ADAMTS20: variants seen among roughly 807,000 people sequenced by gnomAD.
ADAMTS20 encodes ADAM metallopeptidase with thrombospondin type 1 motif 20, also known as A disintegrin and metalloproteinase with thrombospondin motifs 20.
In ADAMTS20, 225 loss-of-function variants were observed where a neutral mutation model predicts 260.1. The ratio of observed to expected loss-of-function variants is 0.87; its 90% CI spans 0.78 to 0.97. The LOEUF (loss-of-function observed/expected upper bound fraction) is 0.97, where lower values mean the gene tolerates loss of function less well. ADAMTS20 is among the 50% of genes least tolerant of loss of function. ADAMTS20 has a pLI of 0.00. For missense variants in ADAMTS20, 2,400 were observed against 2,337.7 expected (o/e 1.03, Z -0.55); for synonymous variants, 802 against 769.5 (o/e 1.04, Z -0.70).
chr12:43,506,372 G>A (rs1942842479), intron 3 of ADAMTS20, among the ~76,000 whole-genome samples: 2 of 152,026 alleles, frequency 1.3e-5, no homozygotes, highest in African/African-American at 4.8e-5. Context: ...TATAGTCTCA[G>A]TTTGCAAGAT....
intron 3 of ADAMTS20, among the ~76,000 whole-genome samples, chr12:43,513,751 G>A (rs1049305056): frequency 6.6e-6 from 1 of 152,004 alleles, no homozygotes; most frequent in Non-Finnish European, 1.5e-5. Context: ...ATGAGTTCGT[G>A]TCCTTTGTAG....
At position 43,432,588 on chromosome 12, in the gene ADAMTS20, A is replaced by G; in HGVS notation, c.2931+13T>C. ...AAGGGGCAACTTTTTTTAAGCAATC[A>G]TTTTTATTGTACCTGAGACCATTCT... On this transcript the variant is annotated intron_variant, in intron 20 of 38. Coordinates refer to ENST00000389420, the MANE Select transcript of ADAMTS20 (RefSeq NM_025003.5). 2 of 1,611,002 alleles carry G rather than the reference A, an allele frequency of 1.2e-6. No individual in the cohort carries two copies. Among genetic ancestry groups the G allele is most frequent in the South Asian group, 2.2e-5 (2 of 90,290 alleles).
chr12:43,443,731 A>G, intron 16 of ADAMTS20, 60 bp downstream of exon 16: 2 of 1,349,662 alleles, frequency 1.5e-6, no homozygotes, highest in Non-Finnish European at 2.1e-6. Context: ...CATCAACTAC[A>G]GACTTCCATG....
At chr12:43,457,600 A>C (rs1941987568) in intron 11 of ADAMTS20, among the ~76,000 whole-genome samples, 1 of 152,214 alleles carries the variant, frequency 6.6e-6, no homozygotes, top group Non-Finnish European at 1.5e-5. Flanking sequence ...AAGTTGATCT[A>C]AGTTGTTCAG....
At chr12:43,401,933 C>T (rs562729489) in intron 28 of ADAMTS20, among the ~76,000 whole-genome samples, 1 of 151,902 alleles carries the variant, frequency 6.6e-6, no homozygotes, top group Non-Finnish European at 1.5e-5. Flanking sequence ...GTGACACATT[C>T]GCTCAAAAAC....
chr12:43,496,318 T>A (rs572202799), intron 4 of ADAMTS20, among the ~76,000 whole-genome samples: 6 of 152,304 alleles, frequency 3.9e-5, no homozygotes, highest in African/African-American at 1.2e-4. Flanking sequence ...AGAAGTTAAC[T>A]AAGACACTGA....
intron 7 of ADAMTS20, among the ~76,000 whole-genome samples, chr12:43,487,048 T>C (rs1942532176): frequency 6.6e-6 from 1 of 152,208 alleles, no homozygotes; most frequent in South Asian, 2.1e-4. Context: ...AGATCTACCA[T>C]TTGATCCAGT....
chr12:43,450,131 A>T lies in ADAMTS20; in HGVS notation c.2079+2143T>A, dbSNP rs1397339. Among the ~76,000 whole-genome samples, 7 of 152,078 alleles carry T rather than the reference A, an allele frequency of 4.6e-5. No individual in the cohort carries two copies. In the South Asian group the frequency reaches 6.2e-4, roughly 13 times the overall value. On this transcript the variant is annotated intron_variant, in intron 14 of 38. Coordinates refer to ENST00000389420, the MANE Select transcript of ADAMTS20 (RefSeq NM_025003.5). ...GCTTCAAATAAGTATTTAAAAGTAA[A>T]GTTTTCTCTAAAACTAATACCCAGC...
At chr12:43,505,345 A>C (rs1942826648) in intron 3 of ADAMTS20, among the ~76,000 whole-genome samples, 1 of 152,190 alleles carries the variant, frequency 6.6e-6, no homozygotes, top group Non-Finnish European at 1.5e-5. Flanking sequence ...CAAAGCAAAA[A>C]AGCAGCCTAT....
At chr12:43,420,799 T>TAG (rs1941214084) in intron 28 of ADAMTS20, among the ~76,000 whole-genome samples, 1 of 118,790 alleles carries the variant, frequency 8.4e-6, no homozygotes, top group Non-Finnish European at 1.6e-5. Context: ...TCCTCCTCCT[T>TAG]CTTTTTTTTT....
chr12:43,360,229 A>C (rs1463133146), intron 37 of ADAMTS20, among the ~76,000 whole-genome samples: 1 of 152,128 alleles, frequency 6.6e-6, no homozygotes. Context: ...TGGATGTATC[A>C]CCTGAGGTCA....
At chr12:43,546,614 T>C (rs1406024620) in intron 2 of ADAMTS20, among the ~76,000 whole-genome samples, 3 of 152,130 alleles carry the variant, frequency 2.0e-5, no homozygotes, top group African/African-American at 7.2e-5. Flanking sequence ...TTTAACAACA[T>C]TATGAGATGA....
chr12:43,411,192 G>A (rs1013266481), intron 28 of ADAMTS20, among the ~76,000 whole-genome samples: 1 of 152,134 alleles, frequency 6.6e-6, no homozygotes, highest in Non-Finnish European at 1.5e-5. Context: ...TTGACAGAAA[G>A]GGATTCTGCT....
intron 3 of ADAMTS20, among the ~76,000 whole-genome samples, chr12:43,504,973 T>A (rs1036337896): frequency 6.6e-6 from 1 of 152,210 alleles, no homozygotes. Flanking sequence ...TAGGTATTTA[T>A]CTAAGAGAAG....
Position 43,428,783 on chromosome 12 carries a change from C to A in ADAMTS20, c.3506G>T (p.Gly1169Val). ...GSWTPCSVSC[G>V]RGTQARYVSC... ...TACATAGCGGGCTTGAGTACCTCTT[C>A]CACAAGATACGGAGCACTTTTTAAG... The change falls in exon 25 of 39, where the codon GGA becomes GTA. Residue 1169 changes from glycine (G) to valine (V), a missense_variant. Gly to Val is a moderately radical substitution (Grantham distance 109). Transcript: ENST00000389420. 6.2e-7 allele frequency: 1 copy of A among 1,605,678 alleles called. No homozygotes were observed. The highest frequency in any genetic ancestry group is 8.5e-7 in the Non-Finnish European group (1 of 1,174,796).
intron 28 of ADAMTS20, among the ~76,000 whole-genome samples, chr12:43,409,681 G>A (rs1360425670): frequency 1.4e-5 from 2 of 146,662 alleles, no homozygotes; most frequent in African/African-American, 5.1e-5. Flanking sequence ...ACCAGAAAGA[G>A]TTTTTTAAAA....
chr12:43,358,269 A>G (rs1406580809), intron 37 of ADAMTS20, among the ~76,000 whole-genome samples: 1 of 152,210 alleles, frequency 6.6e-6, no homozygotes, highest in Non-Finnish European at 1.5e-5. Context: ...TCATTAACAC[A>G]ATTAGTTGAG....
At chr12:43,468,005 CTCCAAGGGTA>C (rs1440620016) in intron 8 of ADAMTS20, among the ~76,000 whole-genome samples, 1 of 152,084 alleles carries the variant, frequency 6.6e-6, no homozygotes, top group African/African-American at 2.4e-5. Flanking sequence ...TCCATGGGAG[CTCCAAGGGTA>C]TCATGAGAAA....
At position 43,551,326 on chromosome 12, in the gene ADAMTS20, C is replaced by A; in HGVS notation, c.92-56G>T. The stretch of plus-strand genomic sequence containing the variant: ...CCCACGCGTTCCTCATTGTCCAACT[C>A]TAAACTTCTTCCACCAAACGTCCCC... On this transcript the variant is annotated intron_variant, in intron 1 of 38. Coordinates refer to ENST00000389420, the MANE Select transcript of ADAMTS20 (RefSeq NM_025003.5). This position sits in a 1 kb window ranked among gnomAD's most constrained non-coding sequence, Gnocchi z 4.6. 1 of 1,559,584 alleles carries A rather than the reference C, an allele frequency of 6.4e-7. No individual in the cohort carries two copies. The highest frequency in any genetic ancestry group is 1.2e-5 in the South Asian group (1 of 82,216).
Sources: gnomAD v4.1 joint callset for allele counts (sites outside exome capture counted in the v4.1 genomes callset) on GRCh38, gnomAD v4.1.1 for gene constraint, Gnocchi (gnomAD v3.1) non-coding constraint, MANE v1.5 for transcripts, NCBI Gene and HGNC (gene_info 2026-07-23, HGNC 2026-07-21) for gene names.